The following LRRC37A variants were observed in gnomAD, a reference collection of about 807,000 sequenced individuals.
LRRC37A encodes leucine-rich repeat-containing protein 37A.
LRRC37A carries 3 observed loss-of-function variants against 35.4 expected under a neutral mutation model. The ratio of observed to expected loss-of-function variants is 0.08; its 90% CI spans 0.04 to 0.22. The LOEUF (loss-of-function observed/expected upper bound fraction) is 0.22. Among genes scored for constraint, LRRC37A ranks in the 10% least tolerant of loss-of-function variants. LRRC37A has a pLI of 1.00. For missense variants in LRRC37A, 67 were observed against 565.3 expected, an observed-to-expected ratio of 0.12 and a Z score of 8.94; for synonymous variants, 23 against 215.0, an observed-to-expected ratio of 0.11 and a Z score of 7.81.
chr17:46,267,223 C>T, the LRRC37A span: 17 of 700,680 alleles, frequency 2.4e-5, no homozygotes, highest in South Asian at 6.0e-5. Flanking sequence ...CGCGAGATCC[C>T]AGGGCGCCCG....
the LRRC37A span, among the ~76,000 whole-genome samples, chr17:46,277,622 A>ATTTCTTTTCTTTTCT: frequency 7.4e-6 from 1 of 135,060 alleles, no homozygotes. Flanking sequence ...CTCTGGGTAG[A>ATTTCTTTTCTTTTCT]TTTCTTTTCT....
At chr17:46,284,787 AC>A in the LRRC37A span, among the ~76,000 whole-genome samples, 12 of 152,260 alleles carry the variant, frequency 7.9e-5, no homozygotes, top group African/African-American at 2.9e-4. Context: ...CATTGAGACT[AC>A]GATTCCCTTT....
chr17:46,291,986 A>G (rs1260923716), upstream of LRRC37A, among the ~76,000 whole-genome samples: 1 of 68,506 alleles, frequency 1.5e-5, no homozygotes. Context: ...AAAAAAAAAA[A>G]AGCCAATAAA....
upstream of LRRC37A, among the ~76,000 whole-genome samples, chr17:46,292,086 C>T (rs1482863419): frequency 7.0e-6 from 1 of 143,480 alleles, no homozygotes; most frequent in Non-Finnish European, 1.5e-5. Context: ...AATCCCAGCA[C>T]TTTGAGAGGC....
chr17:46,258,659 G>T, the LRRC37A span, among the ~76,000 whole-genome samples: 3 of 150,370 alleles, frequency 2.0e-5, no homozygotes, highest in Non-Finnish European at 4.4e-5. Flanking sequence ...AAAAAGGAAT[G>T]AATTAATGGC....
chr17:46,277,307 A>G, the LRRC37A span, among the ~76,000 whole-genome samples: 1 of 152,214 alleles, frequency 6.6e-6, no homozygotes. Context: ...GTCTTGCCAC[A>G]GGCCCCAGGA....
the LRRC37A span, among the ~76,000 whole-genome samples, chr17:46,273,429 T>C: frequency 1.3e-5 from 2 of 152,218 alleles, no homozygotes; most frequent in Admixed American, 1.3e-4. Context: ...TTAGATAAAA[T>C]TAAGCCAGAA....
the LRRC37A span, among the ~76,000 whole-genome samples, chr17:46,283,916 G>T: frequency 6.6e-6 from 1 of 152,248 alleles, no homozygotes; most frequent in East Asian, 1.9e-4. Flanking sequence ...AGAATTAAGT[G>T]CTGTGCTTTA....
the LRRC37A span, among the ~76,000 whole-genome samples, chr17:46,257,282 A>G: frequency 0.11 from 16,055 of 145,296 alleles, no homozygotes; most frequent in Middle Eastern, 0.17. Context: ...CCCTGTCTCT[A>G]CTAAAAATAC....
the LRRC37A span, chr17:46,267,662 G>C: frequency 3.0e-6 from 4 of 1,311,676 alleles, no homozygotes; most frequent in East Asian, 9.8e-5. Flanking sequence ...GGATTTAGAC[G>C]ACAGGTATTA....
the LRRC37A span, among the ~76,000 whole-genome samples, chr17:46,265,309 CTT>C: frequency 5.3e-4 from 51 of 96,140 alleles, no homozygotes; most frequent in East Asian, 0.011. Context: ...TCTTCTTCTT[CTT>C]CTTCCTCTTC....
chr17:46,256,836 G>A, the LRRC37A span, among the ~76,000 whole-genome samples: 1 of 152,074 alleles, frequency 6.6e-6, no homozygotes, highest in Non-Finnish European at 1.5e-5. Flanking sequence ...AAAGTATTGA[G>A]TGTCCCTATG....
the LRRC37A span, among the ~76,000 whole-genome samples, chr17:46,282,564 A>G: frequency 1.3e-5 from 2 of 150,328 alleles, no homozygotes; most frequent in African/African-American, 4.9e-5. Context: ...ATAGGCACTC[A>G]TCACCAAGCC....
At chr17:46,259,904 G>C in the LRRC37A span, 1 of 1,572,374 alleles carries the variant, frequency 6.4e-7, no homozygotes, top group South Asian at 1.2e-5. Flanking sequence ...TCTGGCTGTG[G>C]GGACCGCAAG....
chr17:46,284,336 CT>C, the LRRC37A span, among the ~76,000 whole-genome samples: 2 of 152,236 alleles, frequency 1.3e-5, no homozygotes, highest in African/African-American at 4.8e-5. Context: ...GGTGATGACT[CT>C]TAAGGAGCAT....
the LRRC37A span, among the ~76,000 whole-genome samples, chr17:46,249,746 G>T: frequency 6.6e-6 from 1 of 152,326 alleles, no homozygotes. Flanking sequence ...CCCTGAAATA[G>T]CAAGAAGCTG....
the LRRC37A span, among the ~76,000 whole-genome samples, chr17:46,257,384 C>T: frequency 6.8e-6 from 1 of 147,308 alleles, no homozygotes; most frequent in Non-Finnish European, 1.5e-5. Flanking sequence ...ACCTGGGAGG[C>T]GGAGGTTGCA....
chr17:46,304,656 T>G lies in LRRC37A; in HGVS notation c.2754-853T>G, dbSNP rs1377164166. On this transcript the variant is annotated intron_variant, in intron 3 of 13. Coordinates refer to ENST00000320254, the Ensembl canonical transcript of LRRC37A. ...GAAGAAATTTTTTTTTATGAAATAT[T>G]AAAGCAATACAAAACCAAAAATGAA... 3.2e-5 allele frequency among the ~76,000 whole-genome samples: 2 copies of G among 61,562 alleles called. 1 individual carries two copies. Among genetic ancestry groups the G allele is most frequent in the Non-Finnish European group, 1.0e-4 (2 of 19,918 alleles). 40.4% of individuals were successfully genotyped at this position (61,562 alleles called of 152,430 possible). A position where few individuals can be genotyped will look rare whatever the true frequency, so the allele number is the denominator to read the frequency against.
chr17:46,302,369 G>C (rs1220444250), intron 2 of LRRC37A, among the ~76,000 whole-genome samples: 2 of 53,880 alleles, frequency 3.7e-5, no homozygotes, highest in African/African-American at 8.4e-5. Context: ...GTGATCTAGA[G>C]AGGAGGCATG....
Sources: gnomAD v4.1 joint callset for allele counts (sites outside exome capture counted in the v4.1 genomes callset) on GRCh38, gnomAD v4.1.1 for gene constraint, MANE v1.5 for transcripts, NCBI Gene and HGNC (gene_info 2026-07-23, HGNC 2026-07-21) for gene names.